The following GNG2 variants were observed in gnomAD, a reference collection of about 807,000 sequenced individuals.
The protein encoded by GNG2 is guanine nucleotide-binding protein G(I)/G(S)/G(O) subunit gamma-2.
Under a neutral mutation model 5.5 loss-of-function variants are expected in GNG2, and 5 were observed. That is an observed-to-expected ratio of 0.91 (90% CI 0.48 to 1.92). The LOEUF (loss-of-function observed/expected upper bound fraction) is 1.92. Ranked by LOEUF, GNG2 falls within the 30% of genes most tolerant of loss-of-function variation. The pLI is 0.01. For synonymous variants in GNG2, 28 were observed against 32.0 expected (o/e 0.88, Z 0.42); for missense variants, 55 against 88.4 (o/e 0.62, Z 1.52).
At chr14:51,859,452 G>A (rs1882318851), upstream of GNG2, among the ~76,000 whole-genome samples, 1 of 152,186 alleles carries the variant, frequency 6.6e-6, no homozygotes, top group Non-Finnish European at 1.5e-5. Flanking sequence ...GCTGACTGGC[G>A]AAATCACTTG....
chr14:51,865,368 G>T (rs183402855), intron 1 of GNG2, among the ~76,000 whole-genome samples: 154 of 152,106 alleles, frequency 1.0e-3, no homozygotes, highest in African/African-American at 3.6e-3. Flanking sequence ...TAATTAGCCT[G>T]ATTTGATCAT....
At chr14:51,964,116 GAC>G (rs1889767777) in intron 3 of GNG2, among the ~76,000 whole-genome samples, 1 of 152,142 alleles carries the variant, frequency 6.6e-6, no homozygotes, top group African/African-American at 2.4e-5. Context: ...GCCACATAAA[GAC>G]ACAGACACTC....
intron 2 of GNG2, among the ~76,000 whole-genome samples, chr14:51,930,608 C>A (rs1887600415): frequency 6.6e-6 from 1 of 152,194 alleles, no homozygotes; most frequent in Non-Finnish European, 1.5e-5. Flanking sequence ...AATATGAGTC[C>A]TTGAAGGCGA....
At chr14:51,885,121 C>T (rs1487770489) in intron 2 of GNG2, among the ~76,000 whole-genome samples, 1 of 152,152 alleles carries the variant, frequency 6.6e-6, no homozygotes, top group African/African-American at 2.4e-5. Flanking sequence ...AATACATTCC[C>T]ATGTTTTGCC....
intron 2 of GNG2, among the ~76,000 whole-genome samples, chr14:51,934,543 A>T (rs1241308241): frequency 6.6e-6 from 1 of 152,026 alleles, no homozygotes; most frequent in Non-Finnish European, 1.5e-5. Context: ...CAGCACTCTC[A>T]CTTTACAGAG....
intron 2 of GNG2, among the ~76,000 whole-genome samples, chr14:51,898,682 C>G (rs1885359252): frequency 1.3e-5 from 2 of 152,170 alleles, no homozygotes; most frequent in African/African-American, 4.8e-5. Context: ...CAACTCATTG[C>G]AGAGCCCTCG....
At chr14:51,918,037 C>CA (rs34991244) in intron 2 of GNG2, among the ~76,000 whole-genome samples, 1,387 of 93,766 alleles carry the variant, frequency 0.015, 9 homozygotes, top group Non-Finnish European at 0.025. Flanking sequence ...AAAAACAAAC[C>CA]AAAAAAAAAA....
At chr14:51,844,248 T>C (rs1881561823) in intron 2 of GNG2, among the ~76,000 whole-genome samples, 1 of 152,234 alleles carries the variant, frequency 6.6e-6, no homozygotes, top group Admixed American at 6.5e-5. Flanking sequence ...TAACAATATT[T>C]GATTCTCTGT....
At chr14:51,887,843 A>G (rs976235188) in intron 2 of GNG2, among the ~76,000 whole-genome samples, 17 of 152,256 alleles carry the variant, frequency 1.1e-4, no homozygotes, top group African/African-American at 3.9e-4. Context: ...TTTTCCACAC[A>G]GTAGTCATGC....
chr14:51,850,086 T>C (rs1279694566), intron 2 of GNG2, among the ~76,000 whole-genome samples: 4 of 152,182 alleles, frequency 2.6e-5, no homozygotes, highest in African/African-American at 9.7e-5. Context: ...CTAATACTAA[T>C]CACGGAATTA....
At chr14:51,865,181 A>C (rs779558951) in intron 1 of GNG2, among the ~76,000 whole-genome samples, 15 of 152,046 alleles carry the variant, frequency 9.9e-5, no homozygotes, top group Non-Finnish European at 1.8e-4. Flanking sequence ...GGGTGGAGGG[A>C]AGTTTGCAAA....
intron 2 of GNG2, among the ~76,000 whole-genome samples, chr14:51,947,295 T>C (rs1296173672): frequency 2.0e-5 from 3 of 152,158 alleles, no homozygotes; most frequent in Non-Finnish European, 4.4e-5. Flanking sequence ...CAGAGAAGAA[T>C]TAAAGTTGCA....
chr14:51,908,561 T>C (rs906014359), intron 2 of GNG2, among the ~76,000 whole-genome samples: 1 of 140,414 alleles, frequency 7.1e-6, no homozygotes, highest in African/African-American at 2.9e-5. Context: ...TATCTATCTA[T>C]CCATATATAT....
chr14:51,961,279 G>T (rs1889599241), intron 3 of GNG2, among the ~76,000 whole-genome samples: 1 of 152,198 alleles, frequency 6.6e-6, no homozygotes. Flanking sequence ...AAACTCTACA[G>T]GGACAAGCAT....
At chr14:51,920,450 C>T (rs1467814768) in intron 2 of GNG2, among the ~76,000 whole-genome samples, 4 of 151,808 alleles carry the variant, frequency 2.6e-5, no homozygotes, top group Non-Finnish European at 5.9e-5. Context: ...AAAGTCTGTA[C>T]ATATTCAGTA....
At chr14:51,961,741 C>A (rs1017830957) in intron 3 of GNG2, among the ~76,000 whole-genome samples, 4 of 152,038 alleles carry the variant, frequency 2.6e-5, no homozygotes, top group Admixed American at 2.0e-4. Flanking sequence ...ATGAAGAGAA[C>A]AATATTCTAG....
intron 2 of GNG2, among the ~76,000 whole-genome samples, chr14:51,910,048 A>G (rs1337734699): frequency 2.0e-5 from 3 of 152,244 alleles, no homozygotes; most frequent in Non-Finnish European, 4.4e-5. Context: ...GGCGGAAGCT[A>G]TGATAAGCCC....
intron 2 of GNG2, among the ~76,000 whole-genome samples, chr14:51,945,732 T>C (rs1888604929): frequency 6.6e-6 from 1 of 152,134 alleles, no homozygotes; most frequent in African/African-American, 2.4e-5. Flanking sequence ...AATGAATCAG[T>C]GTAGAGGTCT....
chr14:51,888,663 G>A (rs957848157), intron 2 of GNG2, among the ~76,000 whole-genome samples: 1 of 151,988 alleles, frequency 6.6e-6, no homozygotes, highest in Non-Finnish European at 1.5e-5. Context: ...CACAGCTGAC[G>A]TCTCCATTAA....
Sources: allele counts gnomAD v4.1 joint callset (sites outside exome capture counted in the v4.1 genomes callset), GRCh38; gene constraint gnomAD v4.1.1; transcripts MANE v1.5; gene names NCBI Gene and HGNC (gene_info 2026-07-23, HGNC 2026-07-21).